OSBPL5: variants seen among roughly 807,000 people sequenced by gnomAD.
OSBPL5 encodes oxysterol-binding protein-related protein 5.
In OSBPL5, 71 loss-of-function variants were observed where a neutral mutation model predicts 111.2. The ratio of observed to expected loss-of-function variants is 0.64; its 90% confidence interval spans 0.53 to 0.78. The LOEUF (loss-of-function observed/expected upper bound fraction) is 0.78. OSBPL5 is among the 30% of genes least tolerant of loss of function. The pLI is 0.00. For synonymous variants in OSBPL5, 549 were observed against 513.9 expected, an observed-to-expected ratio of 1.07 and a Z score of -0.93; for missense variants, 1,210 against 1,189.3, an observed-to-expected ratio of 1.02 and a Z score of -0.26.
At position 3,130,614 on chromosome 11, in the gene OSBPL5, TG is replaced by T. The variant is rs1858792218; in HGVS notation, c.-21-1446del. 6.6e-6 allele frequency among the ~76,000 whole-genome samples: 1 copy of T among 152,168 alleles called. No individual in the cohort carries two copies. The highest frequency in any genetic ancestry group is 1.5e-5 in the Non-Finnish European group (1 of 68,020). On this transcript the variant is annotated intron_variant, in intron 1 of 21. Coordinates refer to ENST00000263650, the MANE Select transcript of OSBPL5 (RefSeq NM_020896.4). This position sits in a 1 kb window ranked among gnomAD's most constrained non-coding sequence, Gnocchi z 4.5. Reference sequence around the variant, plus strand: ...CTCACCTGGCCCCTGGCTCGGCTCATGACCTTGGCCATCTTACACACAGGGC... The same window carrying T: ...CTCACCTGGCCCCTGGCTCGGCTCATACCTTGGCCATCTTACACACAGGGC...
In OSBPL5 at chr11:3,126,620, G is replaced by A; in HGVS notation, c.137-65C>T. The A allele has an allele frequency of 1.4e-6, 2 of 1,436,696 alleles. No individual in the cohort carries two copies. Among genetic ancestry groups the A allele is most frequent in the African/African-American group, 1.4e-5 (1 of 70,634 alleles). The allele number at this position is 1,436,696 out of a possible 1,614,324, so 89.0% of individuals were successfully genotyped here. On this transcript the variant is annotated intron_variant, in intron 2 of 21. Coordinates refer to ENST00000263650, the MANE Select transcript of OSBPL5 (RefSeq NM_020896.4). This position sits in a 1 kb window ranked among gnomAD's most constrained non-coding sequence, Gnocchi z 6.5. The stretch of plus-strand genomic sequence containing the variant: ...GCGTGGCCAGGCTTCTCAGGCCGCT[G>A]CCTGGTGTGAGGCAGGCGAAGCGTG...
chr11:3,119,416 C>T, intron 7 of OSBPL5, 131 bp downstream of exon 7: 1 of 904,824 alleles, frequency 1.1e-6, no homozygotes, highest in East Asian at 3.0e-5. Flanking sequence ...CTCATCCTGG[C>T]CAGACTTCAG....
rs1858091762 is a variant in OSBPL5 at position 3,113,665 on chromosome 11, A to AT, written c.692-5721_692-5720insA. On this transcript the variant is annotated intron_variant, in intron 7 of 21. Coordinates refer to ENST00000263650, the MANE Select transcript of OSBPL5 (RefSeq NM_020896.4). The surrounding 1 kb of genome is among the most constrained non-coding windows in gnomAD (Gnocchi z 4.8). Reference sequence around the variant, plus strand: ...GCAAGACTCCGTCTCAAAAAAAAAAAAATTTATATTGGTTTAATAAAAATA... The same window carrying AT: ...GCAAGACTCCGTCTCAAAAAAAAAAATAATTTATATTGGTTTAATAAAAATA... 6.6e-6 allele frequency among the ~76,000 whole-genome samples: 1 copy of AT among 152,172 alleles called. No individual in the cohort carries two copies. Among genetic ancestry groups the AT allele is most frequent in the African/African-American group, 2.4e-5 (1 of 41,438 alleles).
Position 3,109,857 on chromosome 11 carries a change from C to T in OSBPL5, c.692-1912G>A, listed in dbSNP as rs566045127. The stretch of plus-strand genomic sequence containing the variant: ...ATTATGCATCCTTTGAAGCTCATTC[C>T]GAGACCTCTTCCTCCTCTTCCTGGA... On this transcript the variant is annotated intron_variant, in intron 7 of 21. Transcript: ENST00000263650. This position sits in a 1 kb window ranked among gnomAD's most constrained non-coding sequence, Gnocchi z 7.4. 2.0e-5 allele frequency among the ~76,000 whole-genome samples: 3 copies of T among 152,294 alleles called. No homozygotes were observed. Among genetic ancestry groups the T allele is most frequent in the East Asian group, 3.9e-4 (2 of 5,184 alleles).
At chr11:3,129,705 G>A (rs948389172) in intron 1 of OSBPL5, among the ~76,000 whole-genome samples, 4 of 152,172 alleles carry the variant, frequency 2.6e-5, no homozygotes, top group Admixed American at 6.5e-5. Context: ...GGAGCGCCTC[G>A]CCTCTGGTTA....
Position 3,147,687 on chromosome 11 carries a change from G to A in OSBPL5, c.-22+17529C>T, listed in dbSNP as rs533993032. ...AATCAATATCTGCTGGAAGAGAGGC[G>A]GACGGCTGGCAGAGGCATTTATGGG... On this transcript the variant is annotated intron_variant, in intron 1 of 21. Coordinates refer to ENST00000263650, the MANE Select transcript of OSBPL5 (RefSeq NM_020896.4). Among the ~76,000 whole-genome samples, 367 of 152,224 alleles carry A rather than the reference G, an allele frequency of 2.4e-3. 3 individuals carry two copies. The highest frequency in any genetic ancestry group is 3.9e-3 in the Non-Finnish European group (265 of 68,004).
In OSBPL5 at chr11:3,088,244, G is replaced by T; in HGVS notation, c.2601C>A (p.Phe867Leu). 1 of 1,605,862 alleles carries T rather than the reference G, an allele frequency of 6.2e-7. No homozygotes were observed. Among genetic ancestry groups the T allele is most frequent in the Non-Finnish European group, 8.5e-7 (1 of 1,176,092 alleles). ...SPRSWFLLCV[F>L]LACQLFINHI... is the part of the protein sequence containing the mutation. ...GGTTAATGAACAGCTGACACGCCAG[G>T]AACACGCAGAGCAGGAACCAGGATC... The change falls in exon 22 of 22, where the codon TTC becomes TTA. Residue 867 changes from phenylalanine (F) to leucine (L), a missense_variant. Transcript: ENST00000263650.
At chr11:3,125,804 CAA>C (rs57633062) in intron 3 of OSBPL5, among the ~76,000 whole-genome samples, 2 of 52,948 alleles carry the variant, frequency 3.8e-5, no homozygotes, top group Non-Finnish European at 4.0e-5. Flanking sequence ...GACTCCGTCT[CAA>C]AAAAAAAAAA....
At chr11:3,157,392 A>G (rs979637404) in intron 1 of OSBPL5, among the ~76,000 whole-genome samples, 9 of 152,166 alleles carry the variant, frequency 5.9e-5, no homozygotes, top group African/African-American at 2.2e-4. Flanking sequence ...CGTCCCCAGG[A>G]GACCCGGGGA....
chr11:3,111,654 C>T (rs1183380863), intron 7 of OSBPL5, among the ~76,000 whole-genome samples: 2 of 151,978 alleles, frequency 1.3e-5, no homozygotes, highest in South Asian at 2.1e-4. Context: ...AACAAGGCCT[C>T]TGAAGTGGCT....
intron 19 of OSBPL5, 91 bp from the exon 20 acceptor site, chr11:3,090,787 T>G: frequency 6.9e-7 from 1 of 1,453,450 alleles, no homozygotes; most frequent in Non-Finnish European, 9.1e-7. Flanking sequence ...GCCAGGACAG[T>G]GCTAGAGGTG....
Position 3,087,920 on chromosome 11 carries a change from A to G in OSBPL5, c.*285T>C. On this transcript the variant is annotated 3_prime_UTR_variant, in exon 22 of 22. Transcript: ENST00000263650. ...AAGTGGAGGCCGGACAGGGGGTGAC[A>G]CGGCAAGATGGCCAGGAGTGCGTCG... 1 of 283,196 alleles carries G rather than the reference A, an allele frequency of 3.5e-6. No individual in the cohort carries two copies. The highest frequency in any genetic ancestry group is 6.5e-6 in the Non-Finnish European group (1 of 152,948). The allele number at this position is 283,196 out of a possible 1,614,324, so 17.5% of individuals were successfully genotyped here. A position where few individuals can be genotyped will look rare whatever the true frequency, so the allele number is the denominator to read the frequency against.
chr11:3,091,888 A>G (rs1857066710), intron 19 of OSBPL5, among the ~76,000 whole-genome samples: 1 of 152,114 alleles, frequency 6.6e-6, no homozygotes. Context: ...CTCTGCACGC[A>G]GTAGGTGCAC....
At chr11:3,093,181 G>A in intron 17 of OSBPL5, 129 bp from the exon 18 acceptor site, 1 of 983,036 alleles carries the variant, frequency 1.0e-6, no homozygotes, top group Non-Finnish European at 1.4e-6. Flanking sequence ...TACAGTGACA[G>A]GGAGCTCACT....
chr11:3,116,964 C>T (rs1385440669), intron 7 of OSBPL5, among the ~76,000 whole-genome samples: 1 of 151,558 alleles, frequency 6.6e-6, no homozygotes, highest in East Asian at 1.9e-4. Context: ...AAGCTATTTA[C>T]AGCTTTTAAC....
intron 1 of OSBPL5, among the ~76,000 whole-genome samples, chr11:3,149,540 C>T (rs144035863): frequency 6.5e-4 from 99 of 152,352 alleles, no homozygotes; most frequent in African/African-American, 2.3e-3. Flanking sequence ...GTGCCGCCCG[C>T]GCAGGCCGTG....
intron 1 of OSBPL5, among the ~76,000 whole-genome samples, chr11:3,148,452 G>A (rs912713998): frequency 9.9e-5 from 15 of 152,230 alleles, no homozygotes; most frequent in African/African-American, 3.1e-4. Context: ...CCCTGAAGGC[G>A]GGTAACAAGA....
intron 1 of OSBPL5, among the ~76,000 whole-genome samples, chr11:3,138,344 GCTAGACCCAC>G (rs1289264207): frequency 6.6e-6 from 1 of 152,194 alleles, no homozygotes; most frequent in African/African-American, 2.4e-5. Context: ...CCACCTCCCA[GCTAGACCCAC>G]CCCACCTGTC....
intron 4 of OSBPL5, 52 bp downstream of exon 4, chr11:3,122,296 G>A (rs1365268468): frequency 6.4e-7 from 1 of 1,571,124 alleles, no homozygotes; most frequent in East Asian, 2.3e-5. Context: ...TGGCTCAGGT[G>A]GCCGTCGGTC....
Sources: allele counts gnomAD v4.1 joint callset (sites outside exome capture counted in the v4.1 genomes callset), GRCh38; gene constraint gnomAD v4.1.1; non-coding constraint Gnocchi (gnomAD v3.1); transcripts MANE v1.5; gene names NCBI Gene and HGNC (gene_info 2026-07-23, HGNC 2026-07-21).